Variants in XRCC1 observed in about 807,000 individuals in gnomAD.
XRCC1 encodes the protein DNA repair protein XRCC1.
Under a neutral mutation model 83.3 loss-of-function variants are expected in XRCC1, and 52 were observed. The ratio of observed to expected loss-of-function variants is 0.62; its 90% confidence interval spans 0.50 to 0.79. The LOEUF is 0.79. Ranked by LOEUF, XRCC1 falls within the 30% of genes least tolerant of loss-of-function variation. XRCC1 has a pLI of 0.00. For missense variants in XRCC1, 793 were observed against 823.5 expected (o/e 0.96, Z 0.45); for synonymous variants, 281 against 312.6 (o/e 0.90, Z 1.07).
chr19:43,564,178 A>G (rs747650248), intron 2 of XRCC1, among the ~76,000 whole-genome samples: 2 of 152,234 alleles, frequency 1.3e-5, no homozygotes, highest in Non-Finnish European at 2.9e-5. Context: ...CAAACACTAC[A>G]TAAATGTCAG....
At chr19:43,552,565 C>G (rs921448235) in intron 8 of XRCC1, among the ~76,000 whole-genome samples, 3 of 147,952 alleles carry the variant, frequency 2.0e-5, no homozygotes, top group Admixed American at 1.3e-4. Flanking sequence ...CTCTCTCAGA[C>G]CCAGGGGTCC....
At chr19:43,569,409 G>A (rs909401631) in intron 2 of XRCC1, among the ~76,000 whole-genome samples, 1 of 150,912 alleles carries the variant, frequency 6.6e-6, no homozygotes. Flanking sequence ...CCGGGAGGTC[G>A]AGCCTGTAGT....
chr19:43,562,081 G>A (rs937472772), intron 2 of XRCC1, among the ~76,000 whole-genome samples: 1 of 150,776 alleles, frequency 6.6e-6, no homozygotes, highest in Non-Finnish European at 1.5e-5. Context: ...AGGAGGCAGA[G>A]GTTTCAGTAA....
intron 10 of XRCC1, among the ~76,000 whole-genome samples, chr19:43,548,679 G>T (rs1452351971): frequency 6.9e-6 from 1 of 144,664 alleles, no homozygotes; most frequent in African/African-American, 2.6e-5. Flanking sequence ...AGAGACCTTT[G>T]TTCACTTGTT....
chr19:43,548,770 A>AAAAAAAG (rs1972545296), intron 10 of XRCC1, among the ~76,000 whole-genome samples: 1 of 122,882 alleles, frequency 8.1e-6, no homozygotes, highest in Admixed American at 8.5e-5. Flanking sequence ...AATGATCAAA[A>AAAAAAAG]AAAAAAAAAA....
At chr19:43,561,920 C>T (rs182141705) in intron 2 of XRCC1, among the ~76,000 whole-genome samples, 191 of 152,010 alleles carry the variant, frequency 1.3e-3, no homozygotes, top group Middle Eastern at 0.01. Flanking sequence ...CAGCACTCTG[C>T]GAGGCCAAGG....
At position 43,547,293 on chromosome 19, in the gene XRCC1, C is replaced by T. The variant is rs561613970; in HGVS notation, c.1200-316G>A. Among the ~76,000 whole-genome samples, 69 of 152,046 alleles carry T rather than the reference C, an allele frequency of 4.5e-4. 2 individuals are homozygous for T. The East Asian group carries it at 0.013, about 28-fold the overall frequency. On this transcript the variant is annotated intron_variant, in intron 10 of 16. Transcript: ENST00000262887. ...TCTCTGCCTCCAGGTTCGAGCGACT[C>T]CCCTGCCTCAGCCTCCCTAGTAGCT...
In XRCC1 at chr19:43,543,662, G is replaced by A. The variant is rs140655170; in HGVS notation, c.1738C>T (p.Arg580Trp). ...NGELEDYMSD[R>W]VQFVITAQEW... ...TGTGCTGTGATCACAAACTGAACCC[G>A]GTCACTCATATAGTCCTCGAGCTCC... is the stretch of plus-strand genomic sequence containing the variant. Residue 580 changes from arginine (R) to tryptophan (W), a missense_variant, in exon 16 of 17, where the codon CGG becomes TGG. By Grantham distance (101) the Arg-to-Trp change is moderately radical. Transcript: ENST00000262887. The A allele has an allele frequency of 5.9e-5, 95 of 1,613,722 alleles. No individual in the cohort carries two copies. Among genetic ancestry groups the A allele is most frequent in the South Asian group, 7.7e-5 (7 of 91,058 alleles).
intron 2 of XRCC1, among the ~76,000 whole-genome samples, chr19:43,569,939 A>C (rs1384793286): frequency 1.3e-5 from 2 of 152,252 alleles, no homozygotes; most frequent in Non-Finnish European, 2.9e-5. Context: ...CTATGCTGTT[A>C]ACAATCAGGA....
At chr19:43,548,012 A>G (rs2146044438) in intron 10 of XRCC1, among the ~76,000 whole-genome samples, 1 of 85,288 alleles carries the variant, frequency 1.2e-5, no homozygotes, top group East Asian at 2.6e-4. Flanking sequence ...CCTAGCTCTA[A>G]CAACAGTAGC....
chr19:43,563,228 C>G (rs529488864), intron 2 of XRCC1, among the ~76,000 whole-genome samples: 2 of 152,172 alleles, frequency 1.3e-5, no homozygotes, highest in African/African-American at 4.8e-5. Flanking sequence ...GGCTCACACC[C>G]GTAATACCAG....
intron 6 of XRCC1, 41 bp from the exon 7 acceptor site, chr19:43,553,132 C>T (rs1342222779): frequency 3.3e-6 from 5 of 1,531,154 alleles, no homozygotes; most frequent in Non-Finnish European, 4.4e-6. Flanking sequence ...GAGGGCTGAG[C>T]CCCAAGACCC....
At chr19:43,554,563 G>A (rs1972615389) in intron 4 of XRCC1, 83 bp downstream of exon 4, 1 of 1,490,050 alleles carries the variant, frequency 6.7e-7, no homozygotes, top group Non-Finnish European at 9.0e-7. Context: ...ACTCCTCCCA[G>A]CCCTATGGGA....
chr19:43,562,561 T>C (rs1388377141), intron 2 of XRCC1, among the ~76,000 whole-genome samples: 1 of 152,030 alleles, frequency 6.6e-6, no homozygotes, highest in Non-Finnish European at 1.5e-5. Flanking sequence ...CTGGGCAACA[T>C]AGCCAGACCT....
In XRCC1 at chr19:43,553,014, G is replaced by C. The variant is rs1270417954; in HGVS notation, c.679C>G (p.Pro227Ala). The C allele has an allele frequency of 1.2e-6, 2 of 1,602,896 alleles. No individual in the cohort carries two copies. Among genetic ancestry groups the C allele is most frequent in the Non-Finnish European group, 1.7e-6 (2 of 1,175,096 alleles). The change falls in exon 7 of 17, where the codon CCA becomes GCA. Residue 227 changes from proline (P) to alanine (A), a missense_variant. Physicochemically the swap from Pro to Ala is conservative, Grantham distance 27. Transcript: ENST00000262887. Reference protein sequence around the residue: ...QASSAASSASPVSRAIGSTSK... With the variant: ...QASSAASSASAVSRAIGSTSK... ...GTGCTGCCTATGGCCCTGGAGACTGGAGAGGCTGAGGAGGCAGCACTAGAA... is the reference window on the plus strand; with the variant it reads ...GTGCTGCCTATGGCCCTGGAGACTGCAGAGGCTGAGGAGGCAGCACTAGAA...
rs1183240952 is a variant in XRCC1 at position 43,546,037 on chromosome 19, C to T, written c.1481+15G>A. The T allele has an allele frequency of 1.9e-6, 3 of 1,603,012 alleles. No homozygotes were observed. Among genetic ancestry groups the T allele is most frequent in the Admixed American group, 1.7e-5 (1 of 59,926 alleles). On this transcript the variant is annotated intron_variant, in intron 13 of 16. Transcript: ENST00000262887. ...CCAAGGCCAGGGACACCCCAACCCC[C>T]AGCCCCAGCCCTACCTCCTCAGCTC...
At position 43,552,823 on chromosome 19, in the gene XRCC1, G is replaced by A. The variant is rs1185367865; in HGVS notation, c.797C>T (p.Ser266Leu). 3 of 1,611,978 alleles carry A rather than the reference G, an allele frequency of 1.9e-6. No homozygotes were observed. The highest frequency in any genetic ancestry group is 1.7e-5 in the Admixed American group (1 of 59,444). ...KTPSKPPAQL[S>L]PSVPKRPKLP... Reference sequence around the variant, plus strand: ...TTTAGGTCTCTTGGGAACAGATGGCGACAGCTGGGCTGGTGGTTTGCTGGG... The same window carrying A: ...TTTAGGTCTCTTGGGAACAGATGGCAACAGCTGGGCTGGTGGTTTGCTGGG... The change falls in exon 8 of 17, where the codon TCG (serine) becomes TTG (leucine). Residue 266 changes from serine to leucine, a missense_variant. Coordinates refer to ENST00000262887, the MANE Select transcript of XRCC1 (RefSeq NM_006297.3).
chr19:43,545,834 T>A lies in XRCC1; in HGVS notation c.1605A>T (p.Pro535=). 1 of 1,613,858 alleles carries A rather than the reference T, an allele frequency of 6.2e-7. No individual in the cohort carries two copies. ...SEEHQEPPDL[P]VPELPDFFQG... ...ATTTCCCACCTGGGAGCTCAGGGAC[T>A]GGCAGATCAGGAGGCTCCTGGTGTT... Residue 535 remains proline (P), a synonymous_variant, in exon 14 of 17, where the codon CCA becomes CCT. Transcript: ENST00000262887.
Position 43,543,371 on chromosome 19 carries a change from TG to T in XRCC1, c.*20del. The T allele has an allele frequency of 1.4e-6, 2 of 1,454,180 alleles. No homozygotes were observed. The highest frequency in any genetic ancestry group is 1.9e-6 in the Non-Finnish European group (2 of 1,044,882). The allele number at this position is 1,454,180 out of a possible 1,614,324, so 90.1% of individuals were successfully genotyped here. A position where few individuals can be genotyped will look rare whatever the true frequency, so the allele number is the denominator to read the frequency against. ...GTGTGTGTGTGTGTGTGTGTGTGTGTGTGTGTGTATAGCACATACTTCAGGC... is the reference window on the plus strand; with the variant it reads ...GTGTGTGTGTGTGTGTGTGTGTGTGTTGTGTGTATAGCACATACTTCAGGC... On this transcript the variant is annotated 3_prime_UTR_variant, in exon 17 of 17. Coordinates refer to ENST00000262887, the MANE Select transcript of XRCC1 (RefSeq NM_006297.3).
Sources: allele counts gnomAD v4.1 joint callset (sites outside exome capture counted in the v4.1 genomes callset), GRCh38; gene constraint gnomAD v4.1.1; transcripts MANE v1.5; gene names NCBI Gene and HGNC (gene_info 2026-07-23, HGNC 2026-07-21).